The following SLC25A22 variants were observed in gnomAD, a reference collection of about 807,000 sequenced individuals.
SLC25A22 encodes solute carrier family 25 member 22, also known as mitochondrial glutamate carrier 1.
Under a neutral mutation model 33.7 loss-of-function variants are expected in SLC25A22, and 23 were observed. That is an observed-to-expected ratio of 0.68 (90% confidence interval 0.49 to 0.97). SLC25A22 has a LOEUF of 0.97. Ranked by LOEUF, SLC25A22 falls within the 50% of genes least tolerant of loss-of-function variation. The pLI is 0.00. For missense variants in SLC25A22, 390 were observed against 451.1 expected, an observed-to-expected ratio of 0.86 and a Z score of 1.23; for synonymous variants, 245 against 203.8, an observed-to-expected ratio of 1.20 and a Z score of -1.72.
At chr11:793,362 TC>T in intron 5 of SLC25A22, 166 bp downstream of exon 5, 1 of 688,198 alleles carries the variant, frequency 1.5e-6, no homozygotes, top group Non-Finnish European at 2.6e-6. Context: ...TCTGCTTTGC[TC>T]CCCTGGTCAG....
intron 3 of SLC25A22, 51 bp downstream of exon 3, chr11:794,725 T>G: frequency 1.9e-6 from 3 of 1,581,752 alleles, no homozygotes; most frequent in Non-Finnish European, 1.7e-6. Flanking sequence ...CCCCCACCTC[T>G]CCTGCTGCCA....
At position 791,924 on chromosome 11, in the gene SLC25A22, G is replaced by T; in HGVS notation, c.963C>A (p.Pro321=). 6.3e-7 allele frequency: 1 copy of T among 1,599,042 alleles called. No homozygotes were observed. Among genetic ancestry groups the T allele is most frequent in the Non-Finnish European group, 8.5e-7 (1 of 1,178,694 alleles). Residue 321 remains proline (P), a synonymous_variant, in exon 10 of 10, where the codon CCC becomes CCA. Coordinates refer to ENST00000628067, the MANE Select transcript of SLC25A22 (RefSeq NM_001191061.2). The stretch of plus-strand genomic sequence containing the variant: ...GGAGCGGGTGCTGGGCTCAGGCCTG[G>T]GGGTCCTGCAGCAGCCCCAGCAGGG... ...AESLLGLLQD[P]QA is the part of the protein sequence containing the mutation.
rs201941732 is a variant in SLC25A22 at position 792,116 on chromosome 11, C to A, written c.818+26G>T. 1.1e-5 allele frequency: 17 copies of A among 1,608,350 alleles called. No individual in the cohort carries two copies. In the East Asian group the frequency reaches 3.8e-4, roughly 36 times the overall value. Reference sequence around the variant, plus strand: ...TCAGCCCGGTACGCAGGCCCCCAGGCCCCACCCGCCGTGGGACCTCCCCAC... The same window carrying A: ...TCAGCCCGGTACGCAGGCCCCCAGGACCCACCCGCCGTGGGACCTCCCCAC... On this transcript the variant is annotated intron_variant, in intron 9 of 9. Coordinates refer to ENST00000628067, the MANE Select transcript of SLC25A22 (RefSeq NM_001191061.2).
At chr11:796,902 A>G (rs955214428) in intron 1 of SLC25A22, among the ~76,000 whole-genome samples, 1 of 152,162 alleles carries the variant, frequency 6.6e-6, no homozygotes, top group Admixed American at 6.5e-5. Context: ...TGGTGGTGAC[A>G]AGCTGACCTC....
chr11:794,313 C>G (rs1435103335), intron 4 of SLC25A22, 145 bp downstream of exon 4: 1 of 967,794 alleles, frequency 1.0e-6, no homozygotes, highest in Non-Finnish European at 1.6e-6. Context: ...CCCCCCTGCA[C>G]AGGCACAGCC....
chr11:795,145 G>C lies in SLC25A22; in HGVS notation c.-139C>G, dbSNP rs1864738591. ...TGCTCCACCTTCAGGGGAATTTCCAGGCGTCAGCAACCGCCACTTCTGTCC... is the reference window on the plus strand; with the variant it reads ...TGCTCCACCTTCAGGGGAATTTCCACGCGTCAGCAACCGCCACTTCTGTCC... On this transcript the variant is annotated 5_prime_UTR_variant, in exon 2 of 10. Coordinates refer to ENST00000628067, the MANE Select transcript of SLC25A22 (RefSeq NM_001191061.2). 9.2e-7 allele frequency: 1 copy of C among 1,082,914 alleles called. No individual in the cohort carries two copies. The highest frequency in any genetic ancestry group is 2.0e-5 in the Admixed American group (1 of 50,374). The allele number at this position is 1,082,914 out of a possible 1,614,324, so 67.1% of individuals were successfully genotyped here. A position where few individuals can be genotyped will look rare whatever the true frequency, so the allele number is the denominator to read the frequency against.
intron 3 of SLC25A22, 102 bp from the exon 4 acceptor site, chr11:794,615 C>G (rs1864698538): frequency 6.5e-6 from 10 of 1,534,256 alleles, no homozygotes; most frequent in Non-Finnish European, 8.8e-6. Context: ...AGTCCTCAGC[C>G]CAGCCCCGAC....
intron 1 of SLC25A22, 194 bp downstream of exon 1, chr11:798,023 G>A (rs1864926841): frequency 2.5e-6 from 1 of 398,410 alleles, no homozygotes; most frequent in Non-Finnish European, 4.4e-6. Flanking sequence ...AACCGTCGGG[G>A]CCGAGCACGG....
At chr11:796,995 CT>C (rs1187134320) in intron 1 of SLC25A22, among the ~76,000 whole-genome samples, 20 of 152,284 alleles carry the variant, frequency 1.3e-4, no homozygotes, top group Admixed American at 1.3e-3. Context: ...GCTCTCCGGG[CT>C]GCGCTGGGCC....
At position 791,791 on chromosome 11, in the gene SLC25A22, C is replaced by A. The variant is rs946469688; in HGVS notation, c.*124G>T. On this transcript the variant is annotated 3_prime_UTR_variant, in exon 10 of 10. Transcript: ENST00000628067. ...CCTATGTGGACCCTGCACCCTGCCC[C>A]CTGCTGCCCCTGCCGACGGGAGGGC... is the stretch of plus-strand genomic sequence containing the variant. The A allele has an allele frequency of 1.5e-6, 2 of 1,355,866 alleles. No homozygotes were observed. The highest frequency in any genetic ancestry group is 2.5e-5 in the Admixed American group (1 of 39,572). The allele number at this position is 1,355,866 out of a possible 1,614,324, so 84.0% of individuals were successfully genotyped here.
intron 9 of SLC25A22, 33 bp downstream of exon 9, chr11:792,109 C>T (rs201475903): frequency 6.2e-7 from 1 of 1,606,714 alleles, no homozygotes; most frequent in African/African-American, 1.3e-5. Flanking sequence ...GTACGCAGGC[C>T]CCCAGGCCCC....
intron 1 of SLC25A22, chr11:795,446 A>G (rs1002843348): frequency 4.4e-5 from 14 of 321,156 alleles, no homozygotes; most frequent in African/African-American, 3.1e-4. Context: ...CACCCCAGCC[A>G]GCTCCGGCTT....
chr11:794,181 A>C, intron 4 of SLC25A22: 1 of 690,658 alleles, frequency 1.4e-6, no homozygotes. Flanking sequence ...CAGAAGGCAG[A>C]GGCAGCTGTG....
chr11:797,318 T>G (rs1864877200), intron 1 of SLC25A22, among the ~76,000 whole-genome samples: 1 of 152,160 alleles, frequency 6.6e-6, no homozygotes, highest in South Asian at 2.1e-4. Flanking sequence ...GGGTTCCCTC[T>G]GAACGCCAAC....
Position 791,767 on chromosome 11 carries a change from C to T in SLC25A22, c.*148G>A, listed in dbSNP as rs1413821010. 12 of 1,111,062 alleles carry T rather than the reference C, an allele frequency of 1.1e-5. No individual in the cohort carries two copies. Among genetic ancestry groups the T allele is most frequent in the Admixed American group, 2.8e-5 (1 of 35,756 alleles). The allele number at this position is 1,111,062 out of a possible 1,614,324, so 68.8% of individuals were successfully genotyped here. A position where few individuals can be genotyped will look rare whatever the true frequency, so the allele number is the denominator to read the frequency against. On this transcript the variant is annotated 3_prime_UTR_variant, in exon 10 of 10. Transcript: ENST00000628067. The stretch of plus-strand genomic sequence containing the variant: ...CCCGGGGGGCTTGCGTGTGCACCAC[C>T]TATGTGGACCCTGCACCCTGCCCCC...
Position 795,349 on chromosome 11 carries a change from C to T in SLC25A22, c.-163-180G>A, listed in dbSNP as rs551722795. The T allele has an allele frequency of 2.8e-4, 131 of 465,198 alleles. 2 individuals carry two copies. The East Asian group carries it at 5.2e-3, about 19-fold the overall frequency. 28.8% of individuals were successfully genotyped at this position (465,198 alleles called of 1,614,324 possible). A position where few individuals can be genotyped will look rare whatever the true frequency, so the allele number is the denominator to read the frequency against. On this transcript the variant is annotated intron_variant, in intron 1 of 9. Coordinates refer to ENST00000628067, the MANE Select transcript of SLC25A22 (RefSeq NM_001191061.2). ...CCAGTCCCATGCTCACCCCTGGGAC[C>T]ACCTGGCTTCCTTTCAGTCCCCCCC...
Position 792,981 on chromosome 11 carries a change from G to A in SLC25A22, c.301C>T (p.Leu101=), listed in dbSNP as rs752229348. The change falls in exon 6 of 10, where the codon CTG becomes TTG. Residue 101 remains leucine (L), a synonymous_variant. Coordinates refer to ENST00000628067, the MANE Select transcript of SLC25A22 (RefSeq NM_001191061.2). The part of the protein sequence containing the change: ...RHQLSKDGQK[L]TLLKEMLAGC... ...GCCAGCATCTCTTTAAGCAGGGTCA[G>A]CTTCTGCCTGTGGTAGGGGCGGGGC... The A allele has an allele frequency of 6.2e-7, 1 of 1,613,386 alleles. No individual in the cohort carries two copies. Among genetic ancestry groups the A allele is most frequent in the African/African-American group, 1.3e-5 (1 of 75,048 alleles).
In SLC25A22 at chr11:792,647, C is replaced by T. The variant is rs763227728; in HGVS notation, c.493G>A (p.Ala165Thr). Residue 165 changes from alanine to threonine, a missense_variant, in exon 7 of 10, where the codon GCC becomes ACC. Transcript: ENST00000628067. ...AGCTGGGTGGCCGTGGGCCGAGGGG[C>T]AGCTGGAGCCTCCACTGAGGGCTGG... ...GAQPSVEAPA[A>T]PRPTATQLTR... is the part of the protein sequence containing the mutation. 7.6e-6 allele frequency: 12 copies of T among 1,579,554 alleles called. No individual in the cohort carries two copies. In the African/African-American group the frequency reaches 1.3e-4, roughly 18 times the overall value.
chr11:792,601 C>T lies in SLC25A22; in HGVS notation c.539G>A (p.Ser180Asn), dbSNP rs1864588232. The change falls in exon 7 of 10, where the codon AGC becomes AAC. Residue 180 changes from serine (S) to asparagine (N), a missense_variant. Ser to Asn is a conservative substitution (Grantham distance 46). Transcript: ENST00000628067. ...ATQLTRDLLR[S>N]RGIAGLYKGL... Reference sequence around the variant, plus strand: ...CTTGTAGAGACCGGCAATGCCACGGCTCCGCAGCAGGTCGCGGGTCAGCTG... The same window carrying T: ...CTTGTAGAGACCGGCAATGCCACGGTTCCGCAGCAGGTCGCGGGTCAGCTG... 1.9e-6 allele frequency: 3 copies of T among 1,610,596 alleles called. No homozygotes were observed. The highest frequency in any genetic ancestry group is 2.2e-5 in the East Asian group (1 of 44,802).
Sources: allele counts gnomAD v4.1 joint callset (sites outside exome capture counted in the v4.1 genomes callset), GRCh38; gene constraint gnomAD v4.1.1; transcripts MANE v1.5; gene names NCBI Gene and HGNC (gene_info 2026-07-23, HGNC 2026-07-21).